Variants in RFTN1 observed in about 807,000 individuals in gnomAD.
RFTN1 encodes the protein raftlin.
A neutral mutation model predicts 46.5 loss-of-function variants in RFTN1; 26 were observed. The observed-to-expected ratio is 0.56, with a 90% CI of 0.41 to 0.78. The LOEUF (loss-of-function observed/expected upper bound fraction) is 0.78. Among genes scored for constraint, RFTN1 ranks in the 30% least tolerant of loss-of-function variants. The probability of loss-of-function intolerance (pLI) is 0.00; values close to 1 mark genes in which losing one functional copy is unlikely to be tolerated. For missense variants in RFTN1, 693 were observed against 718.7 expected (o/e 0.96, Z 0.41); for synonymous variants, 261 against 284.2 (o/e 0.92, Z 0.82).
Position 16,481,346 on chromosome 3 carries a change from G to T in RFTN1, c.145+12379C>A, listed in dbSNP as rs112584579. On this transcript the variant is annotated intron_variant, in intron 2 of 9. Coordinates refer to ENST00000334133, the MANE Select transcript of RFTN1 (RefSeq NM_015150.2). This position sits in a 1 kb window ranked among gnomAD's most constrained non-coding sequence, Gnocchi z 5.1. ...TATCTTTTGAAAATCTCTTCAAACT[G>T]TAAGAGCATATTTATCTACTTTGAG... Among the ~76,000 whole-genome samples, 3 of 152,238 alleles carry T rather than the reference G, an allele frequency of 2.0e-5. No individual in the cohort carries two copies. Among genetic ancestry groups the T allele is most frequent in the African/African-American group, 7.2e-5 (3 of 41,536 alleles).
intron 6 of RFTN1, among the ~76,000 whole-genome samples, chr3:16,365,059 C>A (rs2073072711): frequency 6.6e-6 from 1 of 152,326 alleles, no homozygotes; most frequent in East Asian, 1.9e-4. Flanking sequence ...GTCCTATGGA[C>A]ACATGAGAAA....
rs1423532662 is a variant in RFTN1 at position 16,474,567 on chromosome 3, C to CAT, written c.145+19156_145+19157dup. ...GAACAGCAGACTGGACATCTATGGG[C>CAT]ATCTGATGGCCACTTTAAAGCACTC... On this transcript the variant is annotated intron_variant, in intron 2 of 9. Transcript: ENST00000334133. The surrounding 1 kb of genome is among the most constrained non-coding windows in gnomAD (Gnocchi z 5.5). Among the ~76,000 whole-genome samples, 1 of 152,114 alleles carries CAT rather than the reference C, an allele frequency of 6.6e-6. No homozygotes were observed. The highest frequency in any genetic ancestry group is 1.5e-5 in the Non-Finnish European group (1 of 68,024).
intron 1 of RFTN1, among the ~76,000 whole-genome samples, chr3:16,501,645 A>T (rs1379636296): frequency 6.6e-6 from 1 of 152,174 alleles, no homozygotes; most frequent in East Asian, 1.9e-4. Flanking sequence ...TTATCTCTAC[A>T]CTCAAATTCT....
At chr3:16,360,145 C>A (rs755856712) in intron 6 of RFTN1, among the ~76,000 whole-genome samples, 1 of 151,794 alleles carries the variant, frequency 6.6e-6, no homozygotes, top group Non-Finnish European at 1.5e-5. Flanking sequence ...CTTTCCATGG[C>A]CAGTAAACAT....
At position 16,382,919 on chromosome 3, in the gene RFTN1, G is replaced by A. The variant is rs2074043063; in HGVS notation, c.442-4817C>T. ...TGGAAGAACAGGTCATGAGGAGCCA[G>A]GTCACCTCAGCCATGGAGCTCCCCA... On this transcript the variant is annotated intron_variant, in intron 4 of 9. Coordinates refer to ENST00000334133, the MANE Select transcript of RFTN1 (RefSeq NM_015150.2). This position sits in a 1 kb window ranked among gnomAD's most constrained non-coding sequence, Gnocchi z 4.7. Among the ~76,000 whole-genome samples the A allele has an allele frequency of 6.6e-6, 1 of 152,160 alleles. No individual in the cohort carries two copies. The highest frequency in any genetic ancestry group is 2.1e-4 in the South Asian group (1 of 4,828).
rs1162330878 is a variant in RFTN1, at chr3:16,374,396, A to G, written c.826+3322T>C. ...CCAGAAAGATGGCGGCAGGTGGCAG[A>G]TCTGGGAGGGGGCCGCATCATGGGG... On this transcript the variant is annotated intron_variant, in intron 5 of 9. Transcript: ENST00000334133. The surrounding 1 kb of genome is among the most constrained non-coding windows in gnomAD (Gnocchi z 5.4). Among the ~76,000 whole-genome samples, 1 of 152,168 alleles carries G rather than the reference A, an allele frequency of 6.6e-6. No homozygotes were observed. Among genetic ancestry groups the G allele is most frequent in the African/African-American group, 2.4e-5 (1 of 41,444 alleles).
rs2075958444 is a variant in RFTN1 at position 16,458,779 on chromosome 3, C to A, written c.146-24742G>T. On this transcript the variant is annotated intron_variant, in intron 2 of 9. Coordinates refer to ENST00000334133, the MANE Select transcript of RFTN1 (RefSeq NM_015150.2). This position sits in a 1 kb window ranked among gnomAD's most constrained non-coding sequence, Gnocchi z 5.1. ...AGTTCCCTTTGGGCAGTCCTTCAGG[C>A]CATATAGCTGTTCTTTTTAAATACA... Among the ~76,000 whole-genome samples, 1 of 152,192 alleles carries A rather than the reference C, an allele frequency of 6.6e-6. No individual in the cohort carries two copies. The highest frequency in any genetic ancestry group is 2.4e-5 in the African/African-American group (1 of 41,428).
Position 16,466,309 on chromosome 3 carries a change from AAAAG to A in RFTN1, c.145+27412_145+27415del, listed in dbSNP as rs1308186869. Among the ~76,000 whole-genome samples, 1 of 152,232 alleles carries A rather than the reference AAAAG, an allele frequency of 6.6e-6. No homozygotes were observed. The highest frequency in any genetic ancestry group is 2.4e-5 in the African/African-American group (1 of 41,464). On this transcript the variant is annotated intron_variant, in intron 2 of 9. Transcript: ENST00000334133. This position sits in a 1 kb window ranked among gnomAD's most constrained non-coding sequence, Gnocchi z 5.6. ...CCTATTCAGGGATTTACGTGGGAAA[AAAAG>A]AAATCAGTGTTTTACTTTACTTTTA...
At chr3:16,401,100 C>T (rs1026571408) in intron 4 of RFTN1, among the ~76,000 whole-genome samples, 1 of 152,102 alleles carries the variant, frequency 6.6e-6, no homozygotes, top group Non-Finnish European at 1.5e-5. Context: ...TCGCTTGAGC[C>T]CAGGAATTCA....
intron 2 of RFTN1, among the ~76,000 whole-genome samples, chr3:16,493,128 C>T (rs2076566962): frequency 6.6e-6 from 1 of 152,174 alleles, no homozygotes; most frequent in Non-Finnish European, 1.5e-5. Flanking sequence ...ACGGAGCTTG[C>T]TATGAAACAG....
chr3:16,390,028 G>T (rs189939000), intron 4 of RFTN1, among the ~76,000 whole-genome samples: 2 of 152,162 alleles, frequency 1.3e-5, no homozygotes, highest in African/African-American at 4.8e-5. Flanking sequence ...CCATATGAGT[G>T]TGCCATCTTG....
intron 4 of RFTN1, among the ~76,000 whole-genome samples, chr3:16,379,852 C>G (rs1375583538): frequency 6.6e-6 from 1 of 152,050 alleles, no homozygotes; most frequent in Non-Finnish European, 1.5e-5. Flanking sequence ...AAGAAAATAG[C>G]AGGGAAATAA....
At chr3:16,416,568 C>A (rs2125459875) in intron 3 of RFTN1, among the ~76,000 whole-genome samples, 1 of 152,288 alleles carries the variant, frequency 6.6e-6, no homozygotes, top group South Asian at 2.1e-4. Context: ...TGAGAATTCT[C>A]TGGAATACCT....
rs34223764 is a variant in RFTN1, at chr3:16,448,122, T to TAA, written c.146-14087_146-14086dup. ...TACACACAGGATTTCAAAGACTTGG[T>TAA]AAAAAAAAAAAAAGTCTCCCAATAA... On this transcript the variant is annotated intron_variant, in intron 2 of 9. Coordinates refer to ENST00000334133, the MANE Select transcript of RFTN1 (RefSeq NM_015150.2). This position sits in a 1 kb window ranked among gnomAD's most constrained non-coding sequence, Gnocchi z 4.1. 7.1e-6 allele frequency among the ~76,000 whole-genome samples: 1 copy of TAA among 141,124 alleles called. No individual in the cohort carries two copies. Among genetic ancestry groups the TAA allele is most frequent in the African/African-American group, 2.6e-5 (1 of 38,590 alleles). The allele number at this position is 141,124 out of a possible 152,430, so 92.6% of individuals were successfully genotyped here.
rs764460696 is a variant in RFTN1 at position 16,374,027 on chromosome 3, A to G, written c.826+3691T>C. ...GCAGCAGGAAAGGCAAAGTGCAGGG[A>G]CCGCTGCTGCGTGCACAACAATCCA... On this transcript the variant is annotated intron_variant, in intron 5 of 9. Coordinates refer to ENST00000334133, the MANE Select transcript of RFTN1 (RefSeq NM_015150.2). This position sits in a 1 kb window ranked among gnomAD's most constrained non-coding sequence, Gnocchi z 5.4. 9.9e-5 allele frequency among the ~76,000 whole-genome samples: 15 copies of G among 152,174 alleles called. No homozygotes were observed. The highest frequency in any genetic ancestry group is 1.8e-4 in the Non-Finnish European group (12 of 68,026).
chr3:16,365,643 A>C lies in RFTN1; in HGVS notation c.1030+4433T>G, dbSNP rs924943449. Among the ~76,000 whole-genome samples, 4 of 152,310 alleles carry C rather than the reference A, an allele frequency of 2.6e-5. No homozygotes were observed. In the East Asian group the frequency reaches 5.8e-4, roughly 22 times the overall value. On this transcript the variant is annotated intron_variant, in intron 6 of 9. Coordinates refer to ENST00000334133, the MANE Select transcript of RFTN1 (RefSeq NM_015150.2). ...ATCTTTTAAAAAGGTGGCAGCAGAG[A>C]GACATCTGGGTGTCATGTGACCCCT... is the stretch of plus-strand genomic sequence containing the variant.
At position 16,346,102 on chromosome 3, in the gene RFTN1, T is replaced by A. The variant is rs1459005683; in HGVS notation, c.1146+11830A>T. 1 of 152,064 alleles carries A rather than the reference T, an allele frequency of 6.6e-6. No individual in the cohort carries two copies. The highest frequency in any genetic ancestry group is 1.5e-5 in the Non-Finnish European group (1 of 68,022). The allele number at this position is 152,064 out of a possible 1,614,324, so 9.4% of individuals were successfully genotyped here. A position where few individuals can be genotyped will look rare whatever the true frequency, so the allele number is the denominator to read the frequency against. The stretch of plus-strand genomic sequence containing the variant: ...TTGAAAAGGTTCCTATGATTTAGGG[T>A]CTTCCAGCACCCCTCAGGAAGCTTG... On this transcript the variant is annotated intron_variant, in intron 7 of 9. Transcript: ENST00000334133. The surrounding 1 kb of genome is among the most constrained non-coding windows in gnomAD (Gnocchi z 4.4).
rs2075964282 is a variant in RFTN1, at chr3:16,459,136, G to C, written c.146-25099C>G. ...TTTGTAGAGATGAGGTTTCGCTGTT[G>C]CTCAGGCTAGTCTTGAACCCCTGGG... On this transcript the variant is annotated intron_variant, in intron 2 of 9. Transcript: ENST00000334133. The surrounding 1 kb of genome is among the most constrained non-coding windows in gnomAD (Gnocchi z 4.2). Among the ~76,000 whole-genome samples, 1 of 152,018 alleles carries C rather than the reference G, an allele frequency of 6.6e-6. No homozygotes were observed. The highest frequency in any genetic ancestry group is 1.5e-5 in the Non-Finnish European group (1 of 67,988).
chr3:16,378,376 A>C (rs910717141), intron 4 of RFTN1, among the ~76,000 whole-genome samples: 18 of 151,082 alleles, frequency 1.2e-4, no homozygotes, highest in African/African-American at 4.1e-4. Context: ...TTGAAACACT[A>C]CACTAGTCCT....
Sources: allele counts gnomAD v4.1 joint callset (sites outside exome capture counted in the v4.1 genomes callset), GRCh38; gene constraint gnomAD v4.1.1; non-coding constraint Gnocchi (gnomAD v3.1); transcripts MANE v1.5; gene names NCBI Gene and HGNC (gene_info 2026-07-23, HGNC 2026-07-21).